Variants in BCAR3 observed in about 807,000 individuals in gnomAD.
BCAR3 encodes BCAR3 adaptor protein, NSP family member, also known as breast cancer anti-estrogen resistance protein 3.
Under a neutral mutation model 80.1 loss-of-function variants are expected in BCAR3, and 37 were observed. The observed-to-expected ratio is 0.46, with a 90% CI of 0.36 to 0.61. The LOEUF (loss-of-function observed/expected upper bound fraction) is 0.61. Among genes scored for constraint, BCAR3 ranks in the 20% least tolerant of loss-of-function variants. The probability of loss-of-function intolerance (pLI) is 0.00; values close to 1 mark genes in which losing one functional copy is unlikely to be tolerated. For synonymous variants in BCAR3, 389 were observed against 418.9 expected, an observed-to-expected ratio of 0.93 and a Z score of 0.87; for missense variants, 978 against 1,068.2, an observed-to-expected ratio of 0.92 and a Z score of 1.18.
intron 2 of BCAR3, among the ~76,000 whole-genome samples, chr1:93,819,845 G>A (rs1571149702): frequency 6.6e-6 from 1 of 152,136 alleles, no homozygotes; most frequent in South Asian, 2.1e-4. Flanking sequence ...GGGGTTTGGT[G>A]TACAGATTAT....
At chr1:93,697,805 C>T (rs1478735338) in intron 3 of BCAR3, among the ~76,000 whole-genome samples, 1 of 151,994 alleles carries the variant, frequency 6.6e-6, no homozygotes, top group East Asian at 1.9e-4. Flanking sequence ...ATGGCGAAAC[C>T]CCATCTCTAC....
intron 2 of BCAR3, among the ~76,000 whole-genome samples, chr1:93,813,238 G>A (rs1016921825): frequency 2.0e-4 from 31 of 152,068 alleles, no homozygotes; most frequent in African/African-American, 6.8e-4. Flanking sequence ...AGCAAAGGCC[G>A]TCTCATAGGT....
chr1:93,597,552 T>A (rs1674465456), intron 3 of BCAR3, among the ~76,000 whole-genome samples: 1 of 152,184 alleles, frequency 6.6e-6, no homozygotes, highest in Non-Finnish European at 1.5e-5. Context: ...AGGCTCCTCA[T>A]CTACAAAATG....
At chr1:93,646,344 T>A (rs1289872228) in intron 2 of BCAR3, 1 of 152,216 alleles carries the variant, frequency 6.6e-6, no homozygotes, top group Non-Finnish European at 1.5e-5. Context: ...GACTCACGCC[T>A]GTAATCCCAG....
intron 3 of BCAR3, among the ~76,000 whole-genome samples, chr1:93,632,109 G>A (rs1675640105): frequency 6.6e-6 from 1 of 152,244 alleles, no homozygotes; most frequent in Admixed American, 6.5e-5. Flanking sequence ...CTCATAAGAT[G>A]CAGAGATGCG....
intron 2 of BCAR3, among the ~76,000 whole-genome samples, chr1:93,782,051 G>C (rs1652779797): frequency 6.6e-6 from 1 of 152,182 alleles, no homozygotes; most frequent in South Asian, 2.1e-4. Flanking sequence ...CTAAAGGATG[G>C]GAGAAGGATC....
At chr1:93,602,971 T>C (rs564591524) in intron 3 of BCAR3, among the ~76,000 whole-genome samples, 3 of 152,380 alleles carry the variant, frequency 2.0e-5, no homozygotes, top group East Asian at 3.9e-4. Flanking sequence ...TGACACTTGC[T>C]GGTTTTGTGG....
chr1:93,588,484 T>C (rs1451358383), intron 5 of BCAR3, among the ~76,000 whole-genome samples: 1 of 152,110 alleles, frequency 6.6e-6, no homozygotes, highest in East Asian at 1.9e-4. Flanking sequence ...TCTGTACAGC[T>C]CCCTTAAAGC....
At chr1:93,597,825 C>T (rs922961842) in intron 3 of BCAR3, among the ~76,000 whole-genome samples, 1 of 152,208 alleles carries the variant, frequency 6.6e-6, no homozygotes, top group Non-Finnish European at 1.5e-5. Flanking sequence ...CTGCCTGCCA[C>T]AAGTTTCTTC....
chr1:93,619,095 C>T (rs552228454), intron 3 of BCAR3, among the ~76,000 whole-genome samples: 43 of 147,378 alleles, frequency 2.9e-4, no homozygotes, highest in African/African-American at 1.1e-3. Context: ...CATGCCACCA[C>T]GCCAATTTTT....
rs1220465171 is a variant in BCAR3, at chr1:93,589,059, G to A, written c.847C>T (p.Pro283Ser). 6.2e-7 allele frequency: 1 copy of A among 1,612,150 alleles called. No homozygotes were observed. Among genetic ancestry groups the A allele is most frequent in the Admixed American group, 1.7e-5 (1 of 59,976 alleles). The change falls in exon 5 of 12, where the codon CCG becomes TCG. Residue 283 changes from proline to serine, a missense_variant. Physicochemically the swap from Pro to Ser is moderately conservative, Grantham distance 74. Coordinates refer to ENST00000260502, the MANE Select transcript of BCAR3 (RefSeq NM_003567.4). ...AREGSLTKGR[P>S]DVAKRLSLTM... ...AGGCTCAGCCTCTTGGCCACATCCGGCCTTCCCTTGGTGAGGCTGCCCTCC... is the reference window on the plus strand; with the variant it reads ...AGGCTCAGCCTCTTGGCCACATCCGACCTTCCCTTGGTGAGGCTGCCCTCC...
At chr1:93,775,842 A>T (rs1652526736) in intron 2 of BCAR3, among the ~76,000 whole-genome samples, 1 of 152,262 alleles carries the variant, frequency 6.6e-6, no homozygotes, top group Non-Finnish European at 1.5e-5. Flanking sequence ...GGAGCAATTC[A>T]CAAGAAACTT....
chr1:93,829,555 C>G lies in BCAR3; in HGVS notation c.-63+16012G>C, dbSNP rs149132337. 7.3e-3 allele frequency among the ~76,000 whole-genome samples: 1,105 copies of G among 152,094 alleles called. 9 individuals carry two copies. Among genetic ancestry groups the G allele is most frequent in the Admixed American group, 0.015 (225 of 15,280 alleles). The stretch of plus-strand genomic sequence containing the variant: ...GAAAATTCCACCGAGAACTCCCACC[C>G]TTTCTAGCTGCCTAAAAATTATTTC... On this transcript the variant is annotated intron_variant, in intron 2 of 13. Transcript: ENST00000370244.
rs368016787 is a variant in BCAR3, at chr1:93,620,624, C to T, written c.357+21680G>A. On this transcript the variant is annotated intron_variant, in intron 3 of 11. Transcript: ENST00000260502. ...TTCAGCCTCAGTCCTGATTGGATGC[C>T]CTACAGGATCCTCACTCCTCCAGCC... 6.4e-4 allele frequency among the ~76,000 whole-genome samples: 98 copies of T among 152,214 alleles called. 2 individuals carry two copies. Among genetic ancestry groups the T allele is most frequent in the African/African-American group, 2.3e-3 (94 of 41,518 alleles).
intron 3 of BCAR3, among the ~76,000 whole-genome samples, chr1:93,705,722 A>G (rs2101976124): frequency 6.6e-6 from 1 of 152,324 alleles, no homozygotes; most frequent in East Asian, 1.9e-4. Flanking sequence ...AAATGAGGAT[A>G]ATTATGGTAA....
Position 93,584,113 on chromosome 1 carries a change from T to C in BCAR3, c.938A>G (p.Glu313Gly), listed in dbSNP as rs1291857084. 6.2e-7 allele frequency: 1 copy of C among 1,613,944 alleles called. No homozygotes were observed. Residue 313 changes from glutamate (E) to glycine (G), a missense_variant, in exon 6 of 12, where the codon GAA becomes GGA. By Grantham distance (98) the Glu-to-Gly change is moderately conservative. Coordinates refer to ENST00000260502, the MANE Select transcript of BCAR3 (RefSeq NM_003567.4). ...GCAGGCGGGCTGGCTACCACTCTTT[T>C]CTTTGTTTCTGAAGTAAAAGACACA... is the stretch of plus-strand genomic sequence containing the variant. ...LPRGNLLRNKEKSGSQPACLD... is the reference protein window; with the variant it reads ...LPRGNLLRNKGKSGSQPACLD...
At chr1:93,748,179 G>C (rs1030804343) in intron 2 of BCAR3, among the ~76,000 whole-genome samples, 1 of 152,150 alleles carries the variant, frequency 6.6e-6, no homozygotes, top group Non-Finnish European at 1.5e-5. Context: ...TGCTGGGATT[G>C]AGCATAGAGA....
chr1:93,761,561 G>A (rs906732341), intron 2 of BCAR3, among the ~76,000 whole-genome samples: 5 of 152,130 alleles, frequency 3.3e-5, no homozygotes, highest in African/African-American at 9.7e-5. Context: ...CGTAAGTGGT[G>A]ACCCAGAAAG....
intron 2 of BCAR3, chr1:93,646,348 A>T (rs1222163418): frequency 1.3e-5 from 2 of 152,196 alleles, no homozygotes; most frequent in Non-Finnish European, 2.9e-5. Flanking sequence ...CACGCCTGTA[A>T]TCCCAGCACT....
Sources: allele counts gnomAD v4.1 joint callset (sites outside exome capture counted in the v4.1 genomes callset), GRCh38; gene constraint gnomAD v4.1.1; transcripts MANE v1.5; gene names NCBI Gene and HGNC (gene_info 2026-07-23, HGNC 2026-07-21).